The following ZNF827 variants were observed in gnomAD, a reference collection of about 807,000 sequenced individuals.
ZNF827 encodes zinc finger protein 827.
ZNF827 carries 13 observed loss-of-function variants against 102.4 expected under a neutral mutation model. That is an observed-to-expected ratio of 0.13 (90% CI 0.08 to 0.20). The LOEUF is 0.20. Among genes scored for constraint, ZNF827 ranks in the 10% least tolerant of loss-of-function variants. ZNF827 has a pLI of 1.00. For missense variants in ZNF827, 1,103 were observed against 1,344.4 expected, an observed-to-expected ratio of 0.82 and a Z score of 2.81; for synonymous variants, 523 against 536.2, an observed-to-expected ratio of 0.98 and a Z score of 0.34.
At position 145,869,038 on chromosome 4, in the gene ZNF827, T is replaced by C. The variant is rs4835262; in HGVS notation, c.1981+1207A>G. 9.8e-4 allele frequency among the ~76,000 whole-genome samples: 149 copies of C among 152,364 alleles called. 1 individual carries two copies. The highest frequency in any genetic ancestry group is 7.0e-3 in the Admixed American group (107 of 15,304). Reference sequence around the variant, plus strand: ...TTTATAATAGCAAATAGTACAATCTTACTAACATCTCATCTGCATAGGAGG... The same window carrying C: ...TTTATAATAGCAAATAGTACAATCTCACTAACATCTCATCTGCATAGGAGG... On this transcript the variant is annotated intron_variant, in intron 5 of 14. Transcript: ENST00000508784.
chr4:145,809,463 A>T (rs1481229913), intron 8 of ZNF827, among the ~76,000 whole-genome samples: 1 of 152,134 alleles, frequency 6.6e-6, no homozygotes, highest in Admixed American at 6.5e-5. Flanking sequence ...CCTAAAACTA[A>T]TGCCCTTCTG....
In ZNF827 at chr4:145,765,171, A is replaced by G. The variant is rs1579078745; in HGVS notation, c.3053-6T>C. The G allele has an allele frequency of 6.3e-7, 1 of 1,598,502 alleles. No homozygotes were observed. Among genetic ancestry groups the G allele is most frequent in the East Asian group, 2.2e-5 (1 of 44,850 alleles). ...GCAAAAAACACATTCGAACCCTGCA[A>G]GGACCGAAGCTGGGTATAGAGGTGC... On this transcript the variant is annotated splice_region_variant and splice_polypyrimidine_tract_variant and intron_variant, in intron 12 of 14. Coordinates refer to ENST00000508784, the MANE Select transcript of ZNF827 (RefSeq NM_001306215.2). This position sits in a 1 kb window ranked among gnomAD's most constrained non-coding sequence, Gnocchi z 4.7.
chr4:145,934,880 T>C (rs1754049607), intron 1 of ZNF827, among the ~76,000 whole-genome samples: 1 of 152,224 alleles, frequency 6.6e-6, no homozygotes, highest in African/African-American at 2.4e-5. Flanking sequence ...TTTCTATAGA[T>C]TCAGTTTTCA....
chr4:145,829,093 G>A (rs1743949291), intron 7 of ZNF827, among the ~76,000 whole-genome samples: 1 of 152,200 alleles, frequency 6.6e-6, no homozygotes, highest in Admixed American at 6.5e-5. Flanking sequence ...GTGAGAGAAA[G>A]TTTGGAAAAG....
At chr4:145,803,700 C>A (rs1579236264) in intron 8 of ZNF827, among the ~76,000 whole-genome samples, 1 of 152,098 alleles carries the variant, frequency 6.6e-6, no homozygotes, top group Admixed American at 6.5e-5. Context: ...ATATGACTCC[C>A]CAAGACTCTA....
chr4:145,844,904 A>G (rs1485445294), intron 7 of ZNF827, among the ~76,000 whole-genome samples: 1 of 152,142 alleles, frequency 6.6e-6, no homozygotes, highest in Non-Finnish European at 1.5e-5. Context: ...TCAAAAAGAA[A>G]AATATCTTGT....
At chr4:145,820,980 A>G (rs1439446014) in intron 8 of ZNF827, among the ~76,000 whole-genome samples, 1 of 152,164 alleles carries the variant, frequency 6.6e-6, no homozygotes, top group Non-Finnish European at 1.5e-5. Context: ...ACTAAAATAA[A>G]TGTAGATTCA....
At position 145,779,405 on chromosome 4, in the gene ZNF827, C is replaced by T. The variant is rs372893304; in HGVS notation, c.2490G>A (p.Gln830=). 2.5e-6 allele frequency: 4 copies of T among 1,614,092 alleles called. No homozygotes were observed. In the African/African-American group the frequency reaches 4.0e-5, roughly 16 times the overall value. ...GCAGCGAGAGGTGTCGGGACAATGT[C>T]TGCTGTCGGCCAAACACTTTCCCAC... is the stretch of plus-strand genomic sequence containing the variant. ...DVCGKVFGRQ[Q]TLSRHLSLHT... The change falls in exon 9 of 15, where the codon CAG becomes CAA. Residue 830 remains glutamine (Q), a synonymous_variant. Coordinates refer to ENST00000508784, the MANE Select transcript of ZNF827 (RefSeq NM_001306215.2).
chr4:145,802,766 T>G (rs1279104610), intron 8 of ZNF827, among the ~76,000 whole-genome samples: 1 of 152,146 alleles, frequency 6.6e-6, no homozygotes, highest in African/African-American at 2.4e-5. Context: ...ATGGAGAAAC[T>G]GCATCTCTAC....
intron 8 of ZNF827, among the ~76,000 whole-genome samples, chr4:145,814,769 C>CAAA (rs773438540): frequency 8.1e-5 from 6 of 74,360 alleles, no homozygotes; most frequent in Admixed American, 2.8e-4. Flanking sequence ...ACTAAAAATA[C>CAAA]AAAAAAAAAA....
chr4:145,938,703 T>C lies in ZNF827; in HGVS notation c.-296A>G. ...TATTCTTCAATGGAAACGGATCTAA[T>C]AGGTGTGAGTGTGTGTGTGTCCTAT... is the stretch of plus-strand genomic sequence containing the variant. On this transcript the variant is annotated 5_prime_UTR_variant, in exon 1 of 15. Transcript: ENST00000508784. 2.2e-6 allele frequency: 1 copy of C among 445,324 alleles called. No individual in the cohort carries two copies. Among genetic ancestry groups the C allele is most frequent in the Non-Finnish European group, 4.1e-6 (1 of 244,808 alleles). The allele number at this position is 445,324 out of a possible 1,614,324, so 27.6% of individuals were successfully genotyped here.
intron 8 of ZNF827, among the ~76,000 whole-genome samples, chr4:145,783,421 A>C (rs577428057): frequency 7.2e-5 from 11 of 152,332 alleles, no homozygotes; most frequent in Non-Finnish European, 1.6e-4. Context: ...CAATTCACTA[A>C]CTGCTTTCAT....
chr4:145,768,341 T>A (rs1423001734), intron 11 of ZNF827, among the ~76,000 whole-genome samples: 1 of 152,242 alleles, frequency 6.6e-6, no homozygotes, highest in East Asian at 1.9e-4. Flanking sequence ...ATTTTTGTAT[T>A]TTCAGAAGAG....
intron 8 of ZNF827, among the ~76,000 whole-genome samples, chr4:145,791,333 C>T (rs190031200): frequency 2.0e-5 from 3 of 152,198 alleles, no homozygotes; most frequent in African/African-American, 7.2e-5. Context: ...GAGGGCTCCA[C>T]TCCCAAGACC....
chr4:145,826,060 A>G (rs369151897), intron 7 of ZNF827, among the ~76,000 whole-genome samples: 1 of 152,190 alleles, frequency 6.6e-6, no homozygotes, highest in Non-Finnish European at 1.5e-5. Context: ...GTTAACAGGG[A>G]ATCGGTCTCA....
intron 7 of ZNF827, among the ~76,000 whole-genome samples, chr4:145,844,658 A>G (rs1383895439): frequency 6.7e-6 from 1 of 149,324 alleles, no homozygotes; most frequent in African/African-American, 2.5e-5. Flanking sequence ...CCAGCCTGGG[A>G]AACAGAGTGA....
At chr4:145,873,182 G>A (rs1057217641) in intron 4 of ZNF827, among the ~76,000 whole-genome samples, 15 of 151,950 alleles carry the variant, frequency 9.9e-5, no homozygotes, top group African/African-American at 2.7e-4. Flanking sequence ...TGATCCACCC[G>A]CTTCGGCCTC....
intron 7 of ZNF827, among the ~76,000 whole-genome samples, chr4:145,826,674 A>G (rs1021995340): frequency 2.6e-5 from 4 of 152,208 alleles, no homozygotes; most frequent in African/African-American, 9.6e-5. Context: ...AAACTTTACC[A>G]TATGTATGCA....
intron 1 of ZNF827, among the ~76,000 whole-genome samples, chr4:145,924,903 GT>G (rs1579583525): frequency 6.6e-6 from 1 of 152,036 alleles, no homozygotes; most frequent in East Asian, 1.9e-4. Context: ...ATTTTGCCCT[GT>G]TTTGGTTAAT....
Sources: allele counts gnomAD v4.1 joint callset (sites outside exome capture counted in the v4.1 genomes callset), GRCh38; gene constraint gnomAD v4.1.1; non-coding constraint Gnocchi (gnomAD v3.1); transcripts MANE v1.5; gene names NCBI Gene and HGNC (gene_info 2026-07-23, HGNC 2026-07-21).